Variants in FERMT2 observed in about 807,000 individuals in gnomAD.
FERMT2 encodes FERM domain containing kindlin 2.
In FERMT2, 15 loss-of-function variants were observed where a neutral mutation model predicts 82.7. That is an observed-to-expected ratio of 0.18 (90% CI 0.12 to 0.28). The LOEUF (loss-of-function observed/expected upper bound fraction) is 0.28, where lower values mean the gene tolerates loss of function less well. FERMT2 is among the 10% of genes least tolerant of loss of function. The pLI is 1.00. For missense variants in FERMT2, 645 were observed against 809.4 expected (o/e 0.80, Z 2.46); for synonymous variants, 274 against 271.5 (o/e 1.01, Z -0.09).
intron 11 of FERMT2, 52 bp downstream of exon 11, chr14:52,864,695 C>T: frequency 1.9e-6 from 3 of 1,567,152 alleles, no homozygotes; most frequent in Non-Finnish European, 1.8e-6. Context: ...ATAAGGATGA[C>T]TGGTCAACTC....
intron 2 of FERMT2, chr14:52,948,622 G>A: frequency 2.2e-6 from 1 of 451,498 alleles, no homozygotes; most frequent in South Asian, 1.6e-5. Context: ...AAAAGATTAA[G>A]ATTATAGTCA....
Position 52,864,526 on chromosome 14 carries a change from G to T in FERMT2, c.1477C>A (p.Leu493Ile), listed in dbSNP as rs752746667. 4 of 1,613,816 alleles carry T rather than the reference G, an allele frequency of 2.5e-6. No homozygotes were observed. Among genetic ancestry groups the T allele is most frequent in the South Asian group, 1.1e-5 (1 of 91,086 alleles). ...SSYNLEVQNI[L>I]SFLKMQHLNP... ...AAATGCTGCATCTTCAGAAAGGAAA[G>T]AATATTCTGAACTTCTAAGTTGTAA... Residue 493 changes from leucine to isoleucine, a missense_variant, in exon 12 of 15, where the codon CTT becomes ATT. Transcript: ENST00000341590.
chr14:52,871,063 C>T (rs956991104), intron 10 of FERMT2, among the ~76,000 whole-genome samples: 4 of 152,168 alleles, frequency 2.6e-5, no homozygotes, highest in East Asian at 1.9e-4. Context: ...CCAAGGGTGG[C>T]GCAACCTTTG....
intron 2 of FERMT2, among the ~76,000 whole-genome samples, chr14:52,949,635 GCA>G (rs1380292809): frequency 6.6e-6 from 1 of 152,084 alleles, no homozygotes; most frequent in Non-Finnish European, 1.5e-5. Flanking sequence ...AATGTGTACT[GCA>G]CACTCTTCAC....
chr14:52,875,947 G>C (rs769916298), intron 7 of FERMT2, among the ~76,000 whole-genome samples: 14 of 152,182 alleles, frequency 9.2e-5, no homozygotes, highest in Non-Finnish European at 1.8e-4. Flanking sequence ...TGGGGGCAGA[G>C]AGAGAGTAGT....
At chr14:52,933,910 C>T (rs1889716725) in intron 2 of FERMT2, among the ~76,000 whole-genome samples, 1 of 151,982 alleles carries the variant, frequency 6.6e-6, no homozygotes, top group East Asian at 1.9e-4. Flanking sequence ...TGTTTCAGAT[C>T]TCCTTGATAG....
chr14:52,893,112 T>C (rs937794910), intron 4 of FERMT2, among the ~76,000 whole-genome samples, 181 bp downstream of exon 4: 1 of 152,238 alleles, frequency 6.6e-6, no homozygotes, highest in Admixed American at 6.5e-5. Flanking sequence ...TTCTTCTGCC[T>C]CAGCCTCCCA....
chr14:52,927,419 C>T (rs914790281), intron 2 of FERMT2, among the ~76,000 whole-genome samples: 5 of 151,620 alleles, frequency 3.3e-5, no homozygotes, highest in African/African-American at 1.2e-4. Context: ...TTAATGTTTT[C>T]CTAATAAGAT....
chr14:52,950,866 C>A (rs1890605883), intron 1 of FERMT2, 55 bp downstream of exon 1: 2 of 247,816 alleles, frequency 8.1e-6, no homozygotes, highest in Non-Finnish European at 1.5e-5. Flanking sequence ...GGCTGACTCC[C>A]CGTTCCCCTC....
chr14:52,922,905 A>G (rs1347867552), intron 2 of FERMT2, among the ~76,000 whole-genome samples: 1 of 152,160 alleles, frequency 6.6e-6, no homozygotes, highest in Non-Finnish European at 1.5e-5. Context: ...ATGTTTGGCA[A>G]GTTCACTGTT....
At chr14:52,927,837 T>C (rs1047817850) in intron 2 of FERMT2, among the ~76,000 whole-genome samples, 1 of 152,104 alleles carries the variant, frequency 6.6e-6, no homozygotes, top group Non-Finnish European at 1.5e-5. Flanking sequence ...TGGCTGCTAC[T>C]AACTTTTTGA....
chr14:52,893,161 T>C, intron 4 of FERMT2, 132 bp downstream of exon 4: 1 of 717,574 alleles, frequency 1.4e-6, no homozygotes, highest in South Asian at 2.8e-5. Context: ...CATGCCTGGC[T>C]AATTGAAGTT....
chr14:52,927,123 G>A (rs766573182), intron 2 of FERMT2, among the ~76,000 whole-genome samples: 9 of 152,046 alleles, frequency 5.9e-5, no homozygotes, highest in Non-Finnish European at 1.3e-4. Flanking sequence ...TCAGAAAGTG[G>A]TCGTACACTT....
chr14:52,879,067 T>A (rs1235462930), intron 6 of FERMT2, among the ~76,000 whole-genome samples: 2 of 152,202 alleles, frequency 1.3e-5, no homozygotes, highest in African/African-American at 4.8e-5. Flanking sequence ...TATTTTTCAG[T>A]GTTATTACTG....
intron 4 of FERMT2, among the ~76,000 whole-genome samples, chr14:52,882,250 C>T (rs75400009): frequency 0.011 from 1,640 of 151,640 alleles, 34 homozygotes; most frequent in African/African-American, 0.039. Context: ...TTCTGGGGTA[C>T]AACAAATAAA....
At chr14:52,877,740 C>T (rs911406310) in intron 7 of FERMT2, among the ~76,000 whole-genome samples, 6 of 152,046 alleles carry the variant, frequency 3.9e-5, no homozygotes, top group African/African-American at 1.4e-4. Context: ...ATCCCTTCTA[C>T]AGTGAAAAGT....
intron 3 of FERMT2, among the ~76,000 whole-genome samples, chr14:52,901,576 T>C (rs369814857): frequency 7.2e-4 from 108 of 149,924 alleles, no homozygotes; most frequent in African/African-American, 2.6e-3. Flanking sequence ...ACAGAAGGAG[T>C]GGTCAGATAA....
chr14:52,924,144 A>C (rs1889118122), intron 2 of FERMT2, among the ~76,000 whole-genome samples: 1 of 152,176 alleles, frequency 6.6e-6, no homozygotes, highest in African/African-American at 2.4e-5. Flanking sequence ...AGTGCTAGAG[A>C]TATGATGATG....
chr14:52,898,757 T>A (rs1887449568), intron 3 of FERMT2, among the ~76,000 whole-genome samples: 1 of 152,184 alleles, frequency 6.6e-6, no homozygotes, highest in South Asian at 2.1e-4. Context: ...CATTCATTTC[T>A]CCAAAGTAAA....
Sources: allele counts gnomAD v4.1 joint callset (sites outside exome capture counted in the v4.1 genomes callset), GRCh38; gene constraint gnomAD v4.1.1; transcripts MANE v1.5; gene names NCBI Gene and HGNC (gene_info 2026-07-23, HGNC 2026-07-21).